Variants in AP5M1 observed in about 807,000 individuals in gnomAD.
AP5M1 encodes adaptor related protein complex 5 subunit mu 1.
In AP5M1, 44 loss-of-function variants were observed where a neutral mutation model predicts 52.3. The ratio of observed to expected loss-of-function variants is 0.84; its 90% CI spans 0.66 to 1.08. The LOEUF (loss-of-function observed/expected upper bound fraction) is 1.08. Ranked by LOEUF, AP5M1 falls within the 50% of genes least tolerant of loss-of-function variation. AP5M1 has a pLI of 0.00. For missense variants in AP5M1, 526 were observed against 568.4 expected, an observed-to-expected ratio of 0.93 and a Z score of 0.76; for synonymous variants, 213 against 199.0, an observed-to-expected ratio of 1.07 and a Z score of -0.59.
rs779246974 is a variant in AP5M1, at chr14:57,283,173, G to A, written c.1236G>A (p.Lys412=). 1 of 1,613,878 alleles carries A rather than the reference G, an allele frequency of 6.2e-7. No homozygotes were observed. The highest frequency in any genetic ancestry group is 8.5e-7 in the Non-Finnish European group (1 of 1,179,938). The change falls in exon 6 of 8, where the codon AAG becomes AAA. Residue 412 remains lysine, a synonymous_variant. Transcript: ENST00000261558. ...SLSGTVTFGA[K]SHEKQPFDPI... is the part of the protein sequence containing the mutation. ...CTGGAACTGTAACTTTTGGAGCCAA[G>A]AGCCATGAGAAGCAGCCATTTGACC... is the stretch of plus-strand genomic sequence containing the variant.
chr14:57,274,964 T>C, intron 2 of AP5M1, 75 bp downstream of exon 2: 1 of 1,518,530 alleles, frequency 6.6e-7, no homozygotes, highest in Non-Finnish European at 9.1e-7. Flanking sequence ...CTAGTTGTAT[T>C]TTAAATAACA....
intron 2 of AP5M1, among the ~76,000 whole-genome samples, chr14:57,276,686 C>T (rs1885048004): frequency 6.7e-6 from 1 of 150,270 alleles, no homozygotes; most frequent in South Asian, 2.1e-4. Context: ...AATATCATGG[C>T]ATTTAATGTC....
At chr14:57,274,955 T>C (rs1821367050) in intron 2 of AP5M1, 66 bp downstream of exon 2, 3 of 1,550,020 alleles carry the variant, frequency 1.9e-6, no homozygotes. Context: ...TTAAATTTGC[T>C]AGTTGTATTT....
rs142248322 is a variant in AP5M1 at position 57,278,778 on chromosome 14, T to C, written c.721-1417T>C. 2.1e-3 allele frequency among the ~76,000 whole-genome samples: 316 copies of C among 152,266 alleles called. 2 individuals are homozygous for C. The highest frequency in any genetic ancestry group is 7.2e-3 in the African/African-American group (301 of 41,548). ...AGACAGTATGATTTATTTAGGGAAA[T>C]GCAAGAATCCAATATGACTACGTGT... On this transcript the variant is annotated intron_variant, in intron 2 of 7. Coordinates refer to ENST00000261558, the MANE Select transcript of AP5M1 (RefSeq NM_018229.4).
rs894002503 is a variant in AP5M1, at chr14:57,290,069, A to G, written c.*1185A>G. ...AAAATGCATTAAAGATTAATACTCA[A>G]TTTGATTATATCTTGGGTTCTGTTT... On this transcript the variant is annotated 3_prime_UTR_variant, in exon 8 of 8. Transcript: ENST00000261558. 1 of 151,970 alleles carries G rather than the reference A, an allele frequency of 6.6e-6. No homozygotes were observed. Among genetic ancestry groups the G allele is most frequent in the African/African-American group, 2.4e-5 (1 of 41,432 alleles). 9.4% of individuals were successfully genotyped at this position (151,970 alleles called of 1,614,324 possible).
rs1884982617 is a variant in AP5M1 at position 57,274,788 on chromosome 14, C to G, written c.619C>G (p.Pro207Ala). Residue 207 changes from proline to alanine, a missense_variant, in exon 2 of 8, where the codon CCA (proline) becomes GCA (alanine). Pro to Ala is a conservative substitution (Grantham distance 27). Transcript: ENST00000261558. ...AWKTGTYKGK[P>A]QVSISITEKV... ...GAAAACTGGGACGTACAAAGGAAAA[C>G]CACAAGTTTCTATTTCTATCACTGA... The G allele has an allele frequency of 6.2e-7, 1 of 1,614,034 alleles. No individual in the cohort carries two copies. The highest frequency in any genetic ancestry group is 8.5e-7 in the Non-Finnish European group (1 of 1,180,028).
rs1261137038 is a variant in AP5M1 at position 57,292,569 on chromosome 14, CAA to C, written c.*3686_*3687del. 5 of 151,786 alleles carry C rather than the reference CAA, an allele frequency of 3.3e-5. No homozygotes were observed. The highest frequency in any genetic ancestry group is 5.9e-5 in the Non-Finnish European group (4 of 67,812). The allele number at this position is 151,786 out of a possible 1,614,324, so 9.4% of individuals were successfully genotyped here. On this transcript the variant is annotated 3_prime_UTR_variant, in exon 8 of 8. Coordinates refer to ENST00000261558, the MANE Select transcript of AP5M1 (RefSeq NM_018229.4). ...AAACATTTCTTTTTGCTTCGCCTAA[CAA>C]TGATATTAGGAAACATAGGCTTTGA...
At chr14:57,288,385 A>G (rs895037741) in intron 7 of AP5M1, among the ~76,000 whole-genome samples, 9 of 152,058 alleles carry the variant, frequency 5.9e-5, no homozygotes, top group Non-Finnish European at 4.4e-5. Flanking sequence ...CTAGGAAGTT[A>G]GGTGTTAATT....
rs886723722 is a variant in AP5M1, at chr14:57,297,363, G to A, written c.*8479G>A. 7 of 151,994 alleles carry A rather than the reference G, an allele frequency of 4.6e-5. No homozygotes were observed. The highest frequency in any genetic ancestry group is 7.4e-5 in the Non-Finnish European group (5 of 67,988). 9.4% of individuals were successfully genotyped at this position (151,994 alleles called of 1,614,324 possible). On this transcript the variant is annotated 3_prime_UTR_variant, in exon 8 of 8. Transcript: ENST00000261558. ...TGAGATTTACCTCTGCCTTATCAGT[G>A]AAGAAAATATGATGTCTATATAGAA... is the stretch of plus-strand genomic sequence containing the variant.
Position 57,298,715 on chromosome 14 carries a change from G to A in AP5M1, c.*9831G>A, listed in dbSNP as rs1885601010. On this transcript the variant is annotated 3_prime_UTR_variant, in exon 8 of 8. Coordinates refer to ENST00000261558, the MANE Select transcript of AP5M1 (RefSeq NM_018229.4). ...TACTCAGTTGCTTGAATGGGTGTTT[G>A]GAGTTAATAAAATGGCTGTACAATT... 1 of 152,060 alleles carries A rather than the reference G, an allele frequency of 6.6e-6. No individual in the cohort carries two copies. Among genetic ancestry groups the A allele is most frequent in the Admixed American group, 6.5e-5 (1 of 15,268 alleles). The allele number at this position is 152,060 out of a possible 1,614,324, so 9.4% of individuals were successfully genotyped here.
Position 57,288,839 on chromosome 14 carries a change from T to C in AP5M1, c.1428T>C (p.Asn476=), listed in dbSNP as rs762302862. The C allele has an allele frequency of 1.3e-6, 2 of 1,589,848 alleles. No homozygotes were observed. Among genetic ancestry groups the C allele is most frequent in the Non-Finnish European group, 1.7e-6 (2 of 1,160,420 alleles). ...TTTCTTCTGATTATTACATCTGGAA[T>C]TCTAAAGCCCCTGCTCCAGTAACAT... ...KLISSDYYIW[N]SKAPAPVTYG... is the part of the protein sequence containing the mutation. Residue 476 remains asparagine, a synonymous_variant, in exon 8 of 8, where the codon AAT becomes AAC. Coordinates refer to ENST00000261558, the MANE Select transcript of AP5M1 (RefSeq NM_018229.4).
chr14:57,277,613 G>A (rs1022730663), intron 2 of AP5M1, among the ~76,000 whole-genome samples: 1 of 151,798 alleles, frequency 6.6e-6, no homozygotes, highest in Non-Finnish European at 1.5e-5. Context: ...GGCACTAATT[G>A]TATATACTAC....
At chr14:57,278,002 C>A (rs1449657463) in intron 2 of AP5M1, among the ~76,000 whole-genome samples, 1 of 152,090 alleles carries the variant, frequency 6.6e-6, no homozygotes, top group Non-Finnish European at 1.5e-5. Flanking sequence ...TTCACTAACT[C>A]TTAAAATATT....
intron 6 of AP5M1, among the ~76,000 whole-genome samples, chr14:57,285,441 T>A (rs1486192837): frequency 6.6e-6 from 1 of 152,160 alleles, no homozygotes; most frequent in Admixed American, 6.5e-5. Context: ...ATTTCAGTTG[T>A]ATGGAAATCA....
At chr14:57,276,855 A>G (rs1039874917) in intron 2 of AP5M1, among the ~76,000 whole-genome samples, 5 of 152,196 alleles carry the variant, frequency 3.3e-5, no homozygotes, top group Non-Finnish European at 7.3e-5. Flanking sequence ...CCTACATACT[A>G]AATGTTTCTT....
intron 2 of AP5M1, among the ~76,000 whole-genome samples, chr14:57,275,756 T>C (rs1485817183): frequency 6.6e-6 from 1 of 152,196 alleles, no homozygotes; most frequent in Non-Finnish European, 1.5e-5. Flanking sequence ...AACAAGTCGT[T>C]AGGTTAATAT....
Position 57,274,452 on chromosome 14 carries a change from C to A in AP5M1, c.283C>A (p.Pro95Thr), listed in dbSNP as rs778513707. ...GLLIGGEELW[P>T]VVAFLKNDMI... is the part of the protein sequence containing the mutation. ...CCTGATAGGAGGTGAAGAACTCTGG[C>A]CAGTTGTTGCTTTTCTGAAGAATGA... The change falls in exon 2 of 8, where the codon CCA (proline) becomes ACA (threonine). Residue 95 changes from proline to threonine, a missense_variant. By Grantham distance (38) the Pro-to-Thr change is conservative (BLOSUM62 -1). This residue lies in a region of AP5M1 where 425 missense variants were observed against 430.6 expected (regional missense o/e 0.99). Coordinates refer to ENST00000261558, the MANE Select transcript of AP5M1 (RefSeq NM_018229.4). 1 of 1,614,122 alleles carries A rather than the reference C, an allele frequency of 6.2e-7. No homozygotes were observed. Among genetic ancestry groups the A allele is most frequent in the East Asian group, 2.2e-5 (1 of 44,876 alleles).
chr14:57,271,303 A>C (rs933087718), intron 1 of AP5M1: 1 of 152,252 alleles, frequency 6.6e-6, no homozygotes, highest in Non-Finnish European at 1.5e-5. Flanking sequence ...TTGACTAAAG[A>C]CTGCCAAATA....
intron 3 of AP5M1, among the ~76,000 whole-genome samples, chr14:57,281,571 C>T (rs1885175498): frequency 6.6e-6 from 1 of 152,250 alleles, no homozygotes; most frequent in Non-Finnish European, 1.5e-5. Flanking sequence ...TCTCTGCTTA[C>T]ACATGACCTT....
Sources: allele counts gnomAD v4.1 joint callset (sites outside exome capture counted in the v4.1 genomes callset), GRCh38; gene constraint gnomAD v4.1.1; regional missense constraint gnomAD v4.1.1; transcripts MANE v1.5; gene names NCBI Gene and HGNC (gene_info 2026-07-23, HGNC 2026-07-21).